ATG4B: variants seen among roughly 807,000 people sequenced by gnomAD.
The protein encoded by ATG4B is autophagy related 4B cysteine peptidase, also known as cysteine protease ATG4B.
Under a neutral mutation model 56.6 loss-of-function variants are expected in ATG4B, and 29 were observed. The observed-to-expected ratio is 0.51, with a 90% CI of 0.38 to 0.70. The LOEUF is 0.70. Ranked by LOEUF, ATG4B falls within the 30% of genes least tolerant of loss-of-function variation. ATG4B has a pLI of 0.00. For synonymous variants in ATG4B, 224 were observed against 206.1 expected (o/e 1.09, Z -0.74); for missense variants, 461 against 515.5 (o/e 0.89, Z 1.02).
chr2:241,653,964 C>G (rs2068303745), intron 4 of ATG4B, among the ~76,000 whole-genome samples: 1 of 140,772 alleles, frequency 7.1e-6, no homozygotes, highest in African/African-American at 2.7e-5. Context: ...GCGCTCCAGC[C>G]TCTGCAACAG....
intron 6 of ATG4B, among the ~76,000 whole-genome samples, chr2:241,656,755 G>A (rs572495609): frequency 1.3e-5 from 2 of 151,796 alleles, no homozygotes; most frequent in Non-Finnish European, 2.9e-5. Context: ...GCCCGTGCTG[G>A]CCCCAGCCTG....
intron 1 of ATG4B, among the ~76,000 whole-genome samples, chr2:241,641,483 G>A (rs1203904375): frequency 6.6e-6 from 1 of 151,726 alleles, no homozygotes; most frequent in Non-Finnish European, 1.5e-5. Flanking sequence ...CCGGGAGGCG[G>A]AGCTTGCAGT....
intron 1 of ATG4B, among the ~76,000 whole-genome samples, chr2:241,648,284 A>C (rs1216484370): frequency 6.6e-6 from 1 of 152,084 alleles, no homozygotes; most frequent in Non-Finnish European, 1.5e-5. Context: ...AAGCATGGAC[A>C]AGTGAAATAT....
chr2:241,652,349 C>T (rs1162159866), intron 3 of ATG4B, among the ~76,000 whole-genome samples: 1 of 152,200 alleles, frequency 6.6e-6, no homozygotes, highest in African/African-American at 2.4e-5. Flanking sequence ...TCACAGCTAC[C>T]CTGCCGCGTG....
chr2:241,670,276 G>C (rs766077934), intron 10 of ATG4B, among the ~76,000 whole-genome samples: 4 of 152,026 alleles, frequency 2.6e-5, no homozygotes, highest in Non-Finnish European at 5.9e-5. Flanking sequence ...CTCAGCAGGA[G>C]GCTCCCTGTG....
At chr2:241,658,227 G>A (rs1057173258) in intron 6 of ATG4B, among the ~76,000 whole-genome samples, 1 of 152,078 alleles carries the variant, frequency 6.6e-6, no homozygotes, top group Non-Finnish European at 1.5e-5. Flanking sequence ...GAGGAAGGTG[G>A]TGTGGGAGTG....
chr2:241,648,678 G>A (rs1053784101), intron 1 of ATG4B, among the ~76,000 whole-genome samples: 1 of 151,954 alleles, frequency 6.6e-6, no homozygotes, highest in South Asian at 2.1e-4. Flanking sequence ...GGCTGCAGCC[G>A]CTCCACAACG....
At chr2:241,637,748 C>G (rs754693607) in intron 1 of ATG4B, 24 bp downstream of exon 1, 2 of 1,570,772 alleles carry the variant, frequency 1.3e-6, no homozygotes, top group Non-Finnish European at 1.7e-6. Context: ...GGGGGTCGGT[C>G]TTTCCGCAGG....
chr2:241,662,242 C>T (rs973991611), intron 7 of ATG4B, among the ~76,000 whole-genome samples: 3 of 152,154 alleles, frequency 2.0e-5, no homozygotes, highest in Non-Finnish European at 2.9e-5. Flanking sequence ...AGGGAAACTT[C>T]TCTAAACATC....
Position 241,654,545 on chromosome 2 carries a change from G to A in ATG4B, c.284-1G>A. On this transcript the variant is annotated splice_acceptor_variant, in intron 4 of 12. Transcript: ENST00000404914. LOFTEE classifies it high-confidence loss of function. ...CTGACCTGTAATTTTTTTTCCAATAGATTGGAGGTGGACACAAAGGAAGAG... is the reference window on the plus strand; with the variant it reads ...CTGACCTGTAATTTTTTTTCCAATAAATTGGAGGTGGACACAAAGGAAGAG... The A allele has an allele frequency of 6.3e-7, 1 of 1,584,894 alleles. No individual in the cohort carries two copies. Among genetic ancestry groups the A allele is most frequent in the Non-Finnish European group, 8.6e-7 (1 of 1,165,450 alleles).
intron 7 of ATG4B, 66 bp from the exon 8 acceptor site, chr2:241,666,579 T>C (rs781163890): frequency 7.2e-6 from 11 of 1,529,194 alleles, no homozygotes; most frequent in Non-Finnish European, 9.9e-6. Flanking sequence ...CATCATTTGC[T>C]TGCTTGTTGT....
intron 1 of ATG4B, among the ~76,000 whole-genome samples, chr2:241,645,000 C>T (rs1157999711): frequency 2.0e-5 from 3 of 152,050 alleles, no homozygotes; most frequent in African/African-American, 2.4e-5. Flanking sequence ...AAGTTATCTT[C>T]CTCCATTATA....
chr2:241,667,982 G>C (rs1453036291), intron 8 of ATG4B, 161 bp from the exon 9 acceptor site: 1 of 628,894 alleles, frequency 1.6e-6, no homozygotes, highest in Non-Finnish European at 2.7e-6. Flanking sequence ...ATGTCCTGTG[G>C]TCTTTCCTGG....
rs1236800023 is a variant in ATG4B at position 241,651,484 on chromosome 2, G to A, written c.184+149G>A. 1.4e-6 allele frequency: 1 copy of A among 691,478 alleles called. No homozygotes were observed. The highest frequency in any genetic ancestry group is 2.4e-6 in the Non-Finnish European group (1 of 412,290). The allele number at this position is 691,478 out of a possible 1,614,324, so 42.8% of individuals were successfully genotyped here. A position where few individuals can be genotyped will look rare whatever the true frequency, so the allele number is the denominator to read the frequency against. ...TTAACTGAATTGGCCGAGGCCTCAC[G>A]TGTAGTAGTGGCAAAGCTAGAATCC... On this transcript the variant is annotated intron_variant, in intron 3 of 12. Transcript: ENST00000404914. This position sits in a 1 kb window ranked among gnomAD's most constrained non-coding sequence, Gnocchi z 4.1.
At chr2:241,670,866 T>C (rs1414261699) in intron 11 of ATG4B, 84 bp downstream of exon 11, 1 of 1,391,140 alleles carries the variant, frequency 7.2e-7, no homozygotes, top group African/African-American at 1.4e-5. Flanking sequence ...AAGGCCTGCG[T>C]CCAGGTCTCA....
chr2:241,645,720 C>A (rs1239141233), intron 1 of ATG4B, among the ~76,000 whole-genome samples: 1 of 152,194 alleles, frequency 6.6e-6, no homozygotes, highest in Non-Finnish European at 1.5e-5. Context: ...GGACACTCCC[C>A]ACTTGCAGCG....
rs2125146408 is a variant in ATG4B, at chr2:241,668,277, C to T, written c.811+56C>T. 1 of 1,539,152 alleles carries T rather than the reference C, an allele frequency of 6.5e-7. No homozygotes were observed. The highest frequency in any genetic ancestry group is 1.2e-5 in the South Asian group (1 of 83,746). The stretch of plus-strand genomic sequence containing the variant: ...GGGCCTGGGCCTTTTAAGGGCATTC[C>T]ATGAGCAGGTACCACACCCCAGGTG... On this transcript the variant is annotated intron_variant, in intron 9 of 12. Coordinates refer to ENST00000404914, the MANE Select transcript of ATG4B (RefSeq NM_013325.5). The surrounding 1 kb of genome is among the most constrained non-coding windows in gnomAD (Gnocchi z 4.2).
chr2:241,661,463 C>T (rs1470533886), intron 7 of ATG4B, among the ~76,000 whole-genome samples: 1 of 152,080 alleles, frequency 6.6e-6, no homozygotes, highest in Non-Finnish European at 1.5e-5. Context: ...TTTTTTCAGT[C>T]GTGCTGCTAA....
At chr2:241,669,959 G>A (rs2068908932) in intron 10 of ATG4B, among the ~76,000 whole-genome samples, 1 of 152,206 alleles carries the variant, frequency 6.6e-6, no homozygotes, top group Non-Finnish European at 1.5e-5. Flanking sequence ...AGACAGAGGA[G>A]TGGACGCGTG....
Sources: gnomAD v4.1 joint callset for allele counts (sites outside exome capture counted in the v4.1 genomes callset) on GRCh38, gnomAD v4.1.1 for gene constraint, Gnocchi (gnomAD v3.1) non-coding constraint, MANE v1.5 for transcripts, NCBI Gene and HGNC (gene_info 2026-07-23, HGNC 2026-07-21) for gene names.